The following RARB variants were observed in gnomAD, a reference collection of about 807,000 sequenced individuals.
RARB encodes retinoic acid receptor beta.
In RARB, 17 loss-of-function variants were observed where a neutral mutation model predicts 51.9. That is an observed-to-expected ratio of 0.33 (90% confidence interval 0.22 to 0.49). RARB has a LOEUF of 0.49. RARB is among the 20% of genes least tolerant of loss of function. RARB has a pLI of 0.99. For synonymous variants in RARB, 215 were observed against 195.4 expected (o/e 1.10, Z -0.84); for missense variants, 369 against 550.8 (o/e 0.67, Z 3.30).
chr3:25,297,118 A>T (rs1265699728), intron 5 of RARB, among the ~76,000 whole-genome samples: 1 of 152,204 alleles, frequency 6.6e-6, no homozygotes, highest in Admixed American at 6.5e-5. Context: ...AACTTCAGGA[A>T]ATCCATGAAC....
intron 4 of RARB, among the ~76,000 whole-genome samples, chr3:25,160,028 A>G (rs1700448730): frequency 6.6e-6 from 1 of 152,226 alleles, no homozygotes; most frequent in Non-Finnish European, 1.5e-5. Flanking sequence ...TTAAAAAACA[A>G]AACACTGAGA....
In RARB at chr3:25,222,941, T is replaced by C. The variant is rs184722579; in HGVS notation, c.178+48366T>C. ...CGAAAACTTACCAGAATGAATAGGA[T>C]TTTTTTCTACCGTTTAATATCACTT... On this transcript the variant is annotated intron_variant, in intron 5 of 11. Coordinates refer to the RARB transcript ENST00000383772. Among the ~76,000 whole-genome samples, 21 of 152,316 alleles carry C rather than the reference T, an allele frequency of 1.4e-4. No individual in the cohort carries two copies. In the East Asian group the frequency reaches 4.0e-3, roughly 29 times the overall value.
At position 25,016,721 on chromosome 3, in the gene RARB, CT is replaced by C. The variant is rs1044764256; in HGVS notation, c.-379-43398del. ...TTCAATCATGGTCAATATAGCATTT[CT>C]TTTTTCCCCCCAGGATATGCCAAGC... is the stretch of plus-strand genomic sequence containing the variant. On this transcript the variant is annotated intron_variant, in intron 2 of 11. Transcript: ENST00000383772. Among the ~76,000 whole-genome samples the C allele has an allele frequency of 4.1e-4, 62 of 152,208 alleles. No individual in the cohort carries two copies. The East Asian group carries it at 9.3e-3, about 23-fold the overall frequency.
At chr3:25,557,980 G>C (rs1277033374) in intron 3 of RARB, among the ~76,000 whole-genome samples, 1 of 152,074 alleles carries the variant, frequency 6.6e-6, no homozygotes, top group Non-Finnish European at 1.5e-5. Flanking sequence ...CTCCTGCTTT[G>C]GATATTTACA....
At chr3:25,546,673 T>C (rs1026355458) in intron 3 of RARB, among the ~76,000 whole-genome samples, 1 of 151,910 alleles carries the variant, frequency 6.6e-6, no homozygotes. Flanking sequence ...CAACATAGGG[T>C]CACTGCAGAC....
chr3:25,306,537 A>G (rs1335486129), intron 5 of RARB, among the ~76,000 whole-genome samples: 1 of 152,084 alleles, frequency 6.6e-6, no homozygotes, highest in Non-Finnish European at 1.5e-5. Context: ...AAAGAAGAAG[A>G]AAGGAGGAAA....
chr3:25,210,876 T>C (rs930140710), intron 5 of RARB, among the ~76,000 whole-genome samples: 13 of 152,104 alleles, frequency 8.5e-5, no homozygotes, highest in African/African-American at 3.1e-4. Context: ...TGACTCTTGC[T>C]CTAGACCTAC....
chr3:25,548,642 C>CCA (rs1553631699), intron 3 of RARB, among the ~76,000 whole-genome samples: 7 of 73,606 alleles, frequency 9.5e-5, no homozygotes, highest in East Asian at 3.7e-4. Flanking sequence ...CCTCCCCCGA[C>CCA]AAAAAAAAAA....
chr3:24,903,810 C>G (rs1694782487), intron 2 of RARB, among the ~76,000 whole-genome samples: 1 of 152,090 alleles, frequency 6.6e-6, no homozygotes, highest in African/African-American at 2.4e-5. Context: ...AATATGTTCT[C>G]TATACATTTT....
intron 3 of RARB, among the ~76,000 whole-genome samples, chr3:25,099,948 TA>T (rs1243825948): frequency 6.6e-6 from 1 of 152,228 alleles, no homozygotes; most frequent in Non-Finnish European, 1.5e-5. Context: ...CTCCTTGGCC[TA>T]CGATCTTAAT....
intron 5 of RARB, among the ~76,000 whole-genome samples, chr3:25,415,687 G>C (rs73820481): frequency 6.6e-6 from 1 of 152,294 alleles, no homozygotes; most frequent in African/African-American, 2.4e-5. Flanking sequence ...TTTACTTACA[G>C]TGAGGCCATT....
At chr3:25,139,099 C>T (rs1330026903) in intron 4 of RARB, among the ~76,000 whole-genome samples, 2 of 152,098 alleles carry the variant, frequency 1.3e-5, no homozygotes, top group Non-Finnish European at 2.9e-5. Context: ...GACTGCTCAA[C>T]CCACCAAGCC....
rs58994202 is a variant in RARB, at chr3:24,839,719, A to AG, written c.-459+10327dup. On this transcript the variant is annotated intron_variant, in intron 1 of 11. Coordinates refer to the RARB transcript ENST00000383772. The stretch of plus-strand genomic sequence containing the variant: ...ACGCTGTCTCAAAAAAAAAAAAAAA[A>AG]GGGGGGGGGGGTGGGGGAAGAAACA... Among the ~76,000 whole-genome samples, 319 of 41,346 alleles carry AG rather than the reference A, an allele frequency of 7.7e-3. 3 individuals are homozygous for AG. The highest frequency in any genetic ancestry group is 0.033 in the South Asian group (19 of 574). The allele number at this position is 41,346 out of a possible 152,430, so 27.1% of individuals were successfully genotyped here. A position where few individuals can be genotyped will look rare whatever the true frequency, so the allele number is the denominator to read the frequency against.
At chr3:25,052,199 C>G (rs1698346588) in intron 2 of RARB, among the ~76,000 whole-genome samples, 3 of 152,146 alleles carry the variant, frequency 2.0e-5, no homozygotes, top group African/African-American at 7.2e-5. Context: ...GAGAAGAGCA[C>G]AAGAATATTT....
chr3:24,978,861 T>C (rs1696577530), intron 2 of RARB, among the ~76,000 whole-genome samples: 1 of 152,184 alleles, frequency 6.6e-6, no homozygotes, highest in Non-Finnish European at 1.5e-5. Flanking sequence ...CTATTTTAGA[T>C]CTTTTCTGTT....
At chr3:24,925,194 A>G (rs538569958) in intron 2 of RARB, among the ~76,000 whole-genome samples, 61 of 152,262 alleles carry the variant, frequency 4.0e-4, no homozygotes, top group Middle Eastern at 6.8e-3. Context: ...AATATTTACT[A>G]AAGGAAAGAA....
chr3:25,424,555 T>A (rs947220472), upstream of RARB, among the ~76,000 whole-genome samples: 3 of 151,930 alleles, frequency 2.0e-5, no homozygotes, highest in Admixed American at 6.6e-5. Context: ...GGAAAAAAAA[T>A]TAAAAAACAA....
intron 1 of RARB, among the ~76,000 whole-genome samples, chr3:25,434,423 T>C (rs1490391844): frequency 1.3e-5 from 2 of 152,106 alleles, no homozygotes; most frequent in African/African-American, 4.8e-5. Context: ...CATTAGACAG[T>C]CTATCCAGCG....
chr3:25,215,359 C>G (rs1018756732), intron 5 of RARB, among the ~76,000 whole-genome samples: 5 of 152,136 alleles, frequency 3.3e-5, no homozygotes, highest in African/African-American at 1.2e-4. Flanking sequence ...GTTTGACAAA[C>G]TGTTGACTGT....
Sources: gnomAD v4.1 joint callset for allele counts (sites outside exome capture counted in the v4.1 genomes callset) on GRCh38, gnomAD v4.1.1 for gene constraint, MANE v1.5 for transcripts, NCBI Gene and HGNC (gene_info 2026-07-23, HGNC 2026-07-21) for gene names.